DDC: variants seen among roughly 807,000 people sequenced by gnomAD.
DDC encodes aromatic-L-amino-acid decarboxylase.
A neutral mutation model predicts 60.0 loss-of-function variants in DDC; 43 were observed. The observed-to-expected ratio is 0.72, with a 90% confidence interval of 0.56 to 0.92. The LOEUF (loss-of-function observed/expected upper bound fraction) is 0.92, where lower values mean the gene tolerates loss of function less well. DDC is among the 40% of genes least tolerant of loss of function. The pLI is 0.00. For missense variants in DDC, 573 were observed against 620.2 expected, an observed-to-expected ratio of 0.92 and a Z score of 0.81; for synonymous variants, 232 against 234.6, an observed-to-expected ratio of 0.99 and a Z score of 0.10.
chr7:50,478,420 G>A (rs2042696162), intron 10 of DDC, among the ~76,000 whole-genome samples: 1 of 152,214 alleles, frequency 6.6e-6, no homozygotes, highest in African/African-American at 2.4e-5. Flanking sequence ...GCACTCAGTA[G>A]CCACATGCGG....
chr7:50,463,288 C>T lies in DDC; in HGVS notation c.1386G>A (p.Arg462=), dbSNP rs1025539290. 6.2e-6 allele frequency: 10 copies of T among 1,614,104 alleles called. No homozygotes were observed. The highest frequency in any genetic ancestry group is 8.5e-6 in the Non-Finnish European group (10 of 1,180,048). The part of the protein sequence containing the change: ...SRTVESAHVQ[R]AWEHIKELAA... ...CCAGCTCTTTGATGTGTTCCCAGGCCCGCTGCACATGGGCAGATTCCACCG... is the reference window on the plus strand; with the variant it reads ...CCAGCTCTTTGATGTGTTCCCAGGCTCGCTGCACATGGGCAGATTCCACCG... The change falls in exon 14 of 15, where the codon CGG becomes CGA. Residue 462 remains arginine (R), a synonymous_variant. Transcript: ENST00000444124.
At chr7:50,476,541 G>C (rs960798287) in intron 11 of DDC, 83 bp downstream of exon 11, 7 of 1,250,446 alleles carry the variant, frequency 5.6e-6, no homozygotes, top group Admixed American at 1.7e-5. Context: ...TCATGAGAGT[G>C]GGGGAGGAGA....
chr7:50,559,516 C>A (rs535099636), intron 1 of DDC, among the ~76,000 whole-genome samples: 18 of 152,212 alleles, frequency 1.2e-4, no homozygotes, highest in Middle Eastern at 3.4e-3. Flanking sequence ...CAACCTCCGC[C>A]TCCCGGGTTC....
At chr7:50,492,981 T>G (rs764211695) in intron 9 of DDC, 1 of 1,598,262 alleles carries the variant, frequency 6.3e-7, no homozygotes, top group South Asian at 1.1e-5. Context: ...TCTTCAGCCT[T>G]AACATACGCA....
chr7:50,508,370 C>T (rs1216389157), intron 6 of DDC, among the ~76,000 whole-genome samples: 2 of 152,210 alleles, frequency 1.3e-5, no homozygotes, highest in Non-Finnish European at 2.9e-5. Context: ...GTTCAGGCCT[C>T]CATCTCAAAG....
At position 50,497,412 on chromosome 7, in the gene DDC, T is replaced by A. The variant is rs1037449787; in HGVS notation, c.876+1736A>T. On this transcript the variant is annotated intron_variant, in intron 8 of 14. Coordinates refer to ENST00000444124, the MANE Select transcript of DDC (RefSeq NM_001082971.2). ...AAAGAAGAGCAGTGGTAGGAAAAGA[T>A]CACGAACCCTAAACCTGATACCCAG... 2.0e-5 allele frequency among the ~76,000 whole-genome samples: 3 copies of A among 152,282 alleles called. No individual in the cohort carries two copies. In the South Asian group the frequency reaches 6.2e-4, roughly 32 times the overall value.
chr7:50,534,363 G>T (rs28531762), intron 4 of DDC, among the ~76,000 whole-genome samples: 1 of 152,128 alleles, frequency 6.6e-6, no homozygotes, highest in South Asian at 2.1e-4. Flanking sequence ...TTGGGAGGCC[G>T]AGGTGGGTGG....
At chr7:50,463,495 T>C (rs142703252) in intron 13 of DDC, 64 bp from the exon 14 acceptor site, 11 of 1,414,430 alleles carry the variant, frequency 7.8e-6, no homozygotes, top group African/African-American at 2.8e-5. Context: ...CAACTGGTCA[T>C]GTAGGAAAGA....
chr7:50,497,022 G>A (rs1276248433), intron 8 of DDC, among the ~76,000 whole-genome samples: 1 of 152,242 alleles, frequency 6.6e-6, no homozygotes, highest in East Asian at 1.9e-4. Flanking sequence ...AGGTTAAAGA[G>A]GAGCTCTGTT....
At chr7:50,465,638 C>T (rs2042378541) in intron 13 of DDC, among the ~76,000 whole-genome samples, 1 of 152,240 alleles carries the variant, frequency 6.6e-6, no homozygotes, top group South Asian at 2.1e-4. Flanking sequence ...TCCCAAAATG[C>T]TGGGATTACA....
chr7:50,511,089 T>A (rs201512946), intron 6 of DDC, among the ~76,000 whole-genome samples: 14,879 of 117,160 alleles, frequency 0.13, 973 homozygotes, highest in South Asian at 0.19. Flanking sequence ...ACACACAAAA[T>A]AATATATAAT....
At chr7:50,540,795 G>A (rs2044604976) in intron 2 of DDC, among the ~76,000 whole-genome samples, 2 of 152,224 alleles carry the variant, frequency 1.3e-5, no homozygotes, top group Admixed American at 1.3e-4. Context: ...ATCCATAAGG[G>A]GTAGTGACAG....
At chr7:50,510,898 A>G (rs577376562) in intron 6 of DDC, among the ~76,000 whole-genome samples, 8 of 146,008 alleles carry the variant, frequency 5.5e-5, no homozygotes, top group Non-Finnish European at 1.0e-4. Flanking sequence ...GGAGGATGGC[A>G]TGAACCTGGG....
At chr7:50,553,968 C>A (rs1251492973) in intron 1 of DDC, among the ~76,000 whole-genome samples, 1 of 152,128 alleles carries the variant, frequency 6.6e-6, no homozygotes, top group Non-Finnish European at 1.5e-5. Flanking sequence ...TTCTTTAACC[C>A]TTAAGACTCT....
intron 6 of DDC, among the ~76,000 whole-genome samples, chr7:50,515,461 A>C (rs1172630887): frequency 6.6e-6 from 1 of 152,242 alleles, no homozygotes; most frequent in Non-Finnish European, 1.5e-5. Context: ...ACCTCTTTAA[A>C]GCATAAATGA....
At chr7:50,553,489 T>TTC (rs1554437606) in intron 1 of DDC, among the ~76,000 whole-genome samples, 2 of 138,262 alleles carry the variant, frequency 1.4e-5, no homozygotes, top group African/African-American at 2.7e-5. Context: ...CTTTTCTTTT[T>TTC]TTTTTTTTTT....
At chr7:50,461,650 C>T (rs2042275594) in intron 14 of DDC, among the ~76,000 whole-genome samples, 1 of 152,168 alleles carries the variant, frequency 6.6e-6, no homozygotes, top group Non-Finnish European at 1.5e-5. Context: ...TGCAGAAATG[C>T]GAGTCGGGAG....
At chr7:50,545,505 T>C (rs2044772135) in intron 1 of DDC, among the ~76,000 whole-genome samples, 1 of 152,240 alleles carries the variant, frequency 6.6e-6, no homozygotes, top group South Asian at 2.1e-4. Flanking sequence ...GGAGTTTTGC[T>C]CTTGTCGCCC....
At chr7:50,488,274 A>T (rs1425783792) in intron 9 of DDC, among the ~76,000 whole-genome samples, 3 of 150,810 alleles carry the variant, frequency 2.0e-5, no homozygotes, top group African/African-American at 7.3e-5. Flanking sequence ...TTTCCAATTT[A>T]AAAAAAAATA....
Sources: gnomAD v4.1 joint callset for allele counts (sites outside exome capture counted in the v4.1 genomes callset) on GRCh38, gnomAD v4.1.1 for gene constraint, MANE v1.5 for transcripts, NCBI Gene and HGNC (gene_info 2026-07-23, HGNC 2026-07-21) for gene names.